The following FOXN3 variants were observed in gnomAD, a reference collection of about 807,000 sequenced individuals.
FOXN3 encodes forkhead box protein N3.
Under a neutral mutation model 38.4 loss-of-function variants are expected in FOXN3, and 7 were observed. The ratio of observed to expected loss-of-function variants is 0.18; its 90% CI spans 0.10 to 0.34. The LOEUF (loss-of-function observed/expected upper bound fraction) is 0.34, where lower values mean the gene tolerates loss of function less well. Among genes scored for constraint, FOXN3 ranks in the 10% least tolerant of loss-of-function variants. FOXN3 has a pLI of 1.00. For missense variants in FOXN3, 456 were observed against 613.4 expected, an observed-to-expected ratio of 0.74 and a Z score of 2.71; for synonymous variants, 230 against 242.2, an observed-to-expected ratio of 0.95 and a Z score of 0.47.
At chr14:89,263,386 G>A (rs76459454) in intron 4 of FOXN3, among the ~76,000 whole-genome samples, 2,634 of 152,096 alleles carry the variant, frequency 0.017, 25 homozygotes, top group Non-Finnish European at 0.028. Context: ...TCATTCTTGG[G>A]AGAGACTGAC....
chr14:89,505,996 T>C (rs201519393), intron 1 of FOXN3, among the ~76,000 whole-genome samples: 125,403 of 146,626 alleles, frequency 0.86, 54,019 homozygotes, highest in Non-Finnish European at 0.9. Context: ...CGTCTCCGCC[T>C]GGCAGCCACC....
intron 3 of FOXN3, among the ~76,000 whole-genome samples, chr14:89,318,663 C>A: frequency 6.6e-6 from 1 of 152,192 alleles, no homozygotes; most frequent in East Asian, 1.9e-4. Flanking sequence ...TTAATCCTTG[C>A]ATCAACCCTA....
chr14:89,469,422 T>C (rs1218826796), intron 1 of FOXN3, among the ~76,000 whole-genome samples: 2 of 152,380 alleles, frequency 1.3e-5, no homozygotes, highest in East Asian at 3.9e-4. Flanking sequence ...TGAAGGTTGC[T>C]GCCTGCAGCT....
chr14:89,223,597 C>A (rs1884538753), intron 4 of FOXN3, among the ~76,000 whole-genome samples: 2 of 152,248 alleles, frequency 1.3e-5, no homozygotes, highest in African/African-American at 4.8e-5. Context: ...CCAGAAGCCC[C>A]TGGTAGGTCC....
At chr14:89,267,175 G>A (rs1395682277) in intron 4 of FOXN3, among the ~76,000 whole-genome samples, 3 of 152,224 alleles carry the variant, frequency 2.0e-5, no homozygotes, top group Non-Finnish European at 4.4e-5. Flanking sequence ...GTTTGACCCT[G>A]AGGAGATGAG....
chr14:89,466,886 AAAGT>A (rs1892982945), intron 1 of FOXN3, among the ~76,000 whole-genome samples: 4 of 152,234 alleles, frequency 2.6e-5, no homozygotes, highest in African/African-American at 9.6e-5. Flanking sequence ...CATTACTGAA[AAAGT>A]AAGGCAGAAG....
At chr14:89,456,494 C>G (rs988162061) in intron 1 of FOXN3, among the ~76,000 whole-genome samples, 1 of 152,218 alleles carries the variant, frequency 6.6e-6, no homozygotes, top group Admixed American at 6.5e-5. Context: ...TGGCTCATGC[C>G]TGTAATCCCA....
intron 1 of FOXN3, among the ~76,000 whole-genome samples, chr14:89,433,468 C>T (rs1009835985): frequency 6.6e-6 from 1 of 151,864 alleles, no homozygotes; most frequent in Admixed American, 6.6e-5. Context: ...GGCGACTAAG[C>T]GAGACTCCAT....
At chr14:89,265,070 T>C (rs1885927713) in intron 4 of FOXN3, among the ~76,000 whole-genome samples, 1 of 152,210 alleles carries the variant, frequency 6.6e-6, no homozygotes, top group South Asian at 2.1e-4. Context: ...GTTCAAACTG[T>C]ATGTCACAAC....
intron 2 of FOXN3, chr14:89,355,174 T>G (rs981081822): frequency 1.3e-5 from 2 of 149,224 alleles, no homozygotes; most frequent in African/African-American, 4.9e-5. Flanking sequence ...AGAGCCCATA[T>G]TGTAGGAAGA....
chr14:89,525,297 C>A (rs1894411817), intron 1 of FOXN3, among the ~76,000 whole-genome samples: 1 of 152,104 alleles, frequency 6.6e-6, no homozygotes, highest in Non-Finnish European at 1.5e-5. Context: ...ACCAAGATGG[C>A]CACCAAAGTG....
intron 2 of FOXN3, among the ~76,000 whole-genome samples, chr14:89,387,971 T>C (rs1284329884): frequency 8.5e-5 from 13 of 152,194 alleles, no homozygotes; most frequent in Admixed American, 8.5e-4. Context: ...TCACCTGCGG[T>C]CACAAGTTCA....
chr14:89,249,315 C>T (rs1885385663), intron 4 of FOXN3, among the ~76,000 whole-genome samples: 1 of 152,156 alleles, frequency 6.6e-6, no homozygotes, highest in African/African-American at 2.4e-5. Flanking sequence ...AGCCCTTTCC[C>T]CTTTCCCCTG....
At chr14:89,492,670 C>G (rs959603147) in intron 1 of FOXN3, among the ~76,000 whole-genome samples, 1 of 152,162 alleles carries the variant, frequency 6.6e-6, no homozygotes, top group African/African-American at 2.4e-5. Flanking sequence ...CGAGATAGCA[C>G]CGCTGCACTC....
At position 89,159,076 on chromosome 14, in the gene FOXN3, A is replaced by C. The variant is rs894800443; in HGVS notation, c.*3338T>G. ...CCAAGACTAAAGTGAATGACACTTA[A>C]GCAAAATATTCTTTCACAAATAGGC... On this transcript the variant is annotated 3_prime_UTR_variant, in exon 6 of 6. Coordinates refer to ENST00000557258, the MANE Select transcript of FOXN3 (RefSeq NM_005197.4). The C allele has an allele frequency of 6.5e-6, 1 of 152,706 alleles. No homozygotes were observed. Among genetic ancestry groups the C allele is most frequent in the Non-Finnish European group, 1.5e-5 (1 of 68,058 alleles). The allele number at this position is 152,706 out of a possible 1,614,324, so 9.5% of individuals were successfully genotyped here.
At chr14:89,300,258 T>C (rs1028610022) in intron 3 of FOXN3, among the ~76,000 whole-genome samples, 3 of 149,776 alleles carry the variant, frequency 2.0e-5, no homozygotes, top group Non-Finnish European at 4.4e-5. Flanking sequence ...TCTTGGCTCA[T>C]TGCAACCTCT....
chr14:89,585,672 A>C (rs751131069), intron 1 of FOXN3, among the ~76,000 whole-genome samples: 16 of 151,696 alleles, frequency 1.1e-4, no homozygotes, highest in Non-Finnish European at 1.9e-4. Flanking sequence ...GGCCGGTCTG[A>C]GTACAGTGGT....
At chr14:89,236,862 T>C (rs1884996586) in intron 4 of FOXN3, among the ~76,000 whole-genome samples, 2 of 152,224 alleles carry the variant, frequency 1.3e-5, no homozygotes, top group Non-Finnish European at 2.9e-5. Context: ...TGCATCCTGA[T>C]GCCAGGAGCT....
intron 1 of FOXN3, among the ~76,000 whole-genome samples, chr14:89,582,421 C>A (rs1323025224): frequency 6.6e-6 from 1 of 151,586 alleles, no homozygotes; most frequent in Non-Finnish European, 1.5e-5. Flanking sequence ...GAGGAATAGC[C>A]AACTGAAGAA....
Sources: allele counts gnomAD v4.1 joint callset (sites outside exome capture counted in the v4.1 genomes callset), GRCh38; gene constraint gnomAD v4.1.1; transcripts MANE v1.5; gene names NCBI Gene and HGNC (gene_info 2026-07-23, HGNC 2026-07-21).